Variants in ST6GAL1 observed in about 807,000 individuals in gnomAD.
ST6GAL1 encodes the protein ST6 beta-galactoside alpha-2,6-sialyltransferase 1.
A neutral mutation model predicts 38.0 loss-of-function variants in ST6GAL1; 20 were observed. The ratio of observed to expected loss-of-function variants is 0.53; its 90% CI spans 0.37 to 0.77. The LOEUF is 0.77. ST6GAL1 is among the 30% of genes least tolerant of loss of function. ST6GAL1 has a pLI of 0.00. For missense variants in ST6GAL1, 432 were observed against 496.4 expected, an observed-to-expected ratio of 0.87 and a Z score of 1.23; for synonymous variants, 196 against 188.2, an observed-to-expected ratio of 1.04 and a Z score of -0.34.
intron 2 of ST6GAL1, among the ~76,000 whole-genome samples, chr3:186,984,655 T>C (rs1334022395): frequency 1.3e-5 from 2 of 152,062 alleles, no homozygotes; most frequent in East Asian, 3.9e-4. Context: ...CTCCTCTGAC[T>C]GCCCTTTGGA....
At chr3:187,070,763 G>A (rs139709894) in intron 5 of ST6GAL1, among the ~76,000 whole-genome samples, 1 of 152,182 alleles carries the variant, frequency 6.6e-6, no homozygotes, top group Non-Finnish European at 1.5e-5. Context: ...TACTACCTCT[G>A]TTGTTGCACC....
At chr3:187,010,752 A>G (rs7632268) in intron 2 of ST6GAL1, among the ~76,000 whole-genome samples, 3,648 of 152,300 alleles carry the variant, frequency 0.024, 148 homozygotes, top group African/African-American at 0.084. Context: ...AATATCTGCA[A>G]TTCCCAGGAA....
chr3:187,057,558 G>A (rs1193345968), intron 5 of ST6GAL1, among the ~76,000 whole-genome samples: 4 of 152,154 alleles, frequency 2.6e-5, no homozygotes, highest in Admixed American at 2.6e-4. Flanking sequence ...CTCAGCTGCA[G>A]GTCTGTTGGA....
intron 5 of ST6GAL1, among the ~76,000 whole-genome samples, chr3:187,059,058 T>C (rs965194194): frequency 6.6e-6 from 1 of 151,932 alleles, no homozygotes; most frequent in Non-Finnish European, 1.5e-5. Flanking sequence ...CTTGGGGAAA[T>C]AGCAATAGCC....
intron 1 of ST6GAL1, among the ~76,000 whole-genome samples, chr3:186,945,610 T>C (rs1026365590): frequency 3.3e-5 from 5 of 151,970 alleles, no homozygotes. Context: ...AGGAACAGAA[T>C]GTGAGGAAGT....
In ST6GAL1 at chr3:187,076,644, CAG is replaced by C. The variant is rs1479596807; in HGVS notation, c.*842_*843del. The C allele has an allele frequency of 5.1e-6, 2 of 395,080 alleles. No homozygotes were observed. Among genetic ancestry groups the C allele is most frequent in the South Asian group, 1.4e-4 (1 of 6,980 alleles). The allele number at this position is 395,080 out of a possible 1,614,324, so 24.5% of individuals were successfully genotyped here. ...GTGGATCAGAGAAGGCTTTATAGCA[CAG>C]GGGGCATTCAGATGAGTCTTAGAGG... On this transcript the variant is annotated 3_prime_UTR_variant, in exon 8 of 8. Coordinates refer to ENST00000169298, the MANE Select transcript of ST6GAL1 (RefSeq NM_173216.2).
intron 5 of ST6GAL1, among the ~76,000 whole-genome samples, chr3:187,067,623 T>C (rs16861566): frequency 0.017 from 2,624 of 152,220 alleles, 73 homozygotes; most frequent in African/African-American, 0.06. Flanking sequence ...GTCTCATTCA[T>C]CTCAAGTAGC....
intron 2 of ST6GAL1, among the ~76,000 whole-genome samples, chr3:186,977,571 A>C (rs374955053): frequency 2.6e-5 from 4 of 152,292 alleles, no homozygotes; most frequent in African/African-American, 9.6e-5. Context: ...GGTGGGAAAT[A>C]TGATCCTACA....
chr3:186,944,104 C>G (rs1246133178), intron 1 of ST6GAL1, among the ~76,000 whole-genome samples: 2 of 152,190 alleles, frequency 1.3e-5, no homozygotes, highest in Non-Finnish European at 2.9e-5. Flanking sequence ...TCCTTTTTAT[C>G]CAGCCAATCA....
intron 4 of ST6GAL1, among the ~76,000 whole-genome samples, chr3:187,046,955 GT>G (rs1247311104): frequency 2.6e-5 from 4 of 152,116 alleles, no homozygotes; most frequent in Non-Finnish European, 5.9e-5. Context: ...ATAGTGTTTT[GT>G]TTTGTTTTTG....
chr3:187,069,792 T>C (rs1326469168), intron 5 of ST6GAL1, among the ~76,000 whole-genome samples: 1 of 152,160 alleles, frequency 6.6e-6, no homozygotes, highest in Non-Finnish European at 1.5e-5. Flanking sequence ...ACTGAACTAC[T>C]TGCAATTCCC....
At chr3:186,995,705 A>G (rs919546104) in intron 2 of ST6GAL1, among the ~76,000 whole-genome samples, 5 of 145,906 alleles carry the variant, frequency 3.4e-5, no homozygotes, top group African/African-American at 1.0e-4. Flanking sequence ...TTAGCCGGGT[A>G]TGGTGGCTTA....
intron 1 of ST6GAL1, among the ~76,000 whole-genome samples, chr3:186,947,299 C>T (rs1714403416): frequency 6.6e-6 from 1 of 152,230 alleles, no homozygotes; most frequent in Non-Finnish European, 1.5e-5. Context: ...AGCACATACA[C>T]GAAAAGTGCA....
intron 4 of ST6GAL1, among the ~76,000 whole-genome samples, chr3:187,045,172 C>A (rs779571343): frequency 2.6e-5 from 4 of 152,098 alleles, no homozygotes; most frequent in Non-Finnish European, 4.4e-5. Flanking sequence ...TTTTCTTTTA[C>A]AAATAACATT....
At chr3:187,003,371 A>G (rs1351418894) in intron 2 of ST6GAL1, among the ~76,000 whole-genome samples, 2 of 152,194 alleles carry the variant, frequency 1.3e-5, no homozygotes, top group East Asian at 3.8e-4. Context: ...ATTTTATCCA[A>G]AACAACCTCA....
chr3:187,069,133 TTC>T (rs1479247679), intron 5 of ST6GAL1, among the ~76,000 whole-genome samples: 1 of 151,890 alleles, frequency 6.6e-6, no homozygotes, highest in Admixed American at 6.6e-5. Context: ...CTTGAACTTC[TTC>T]TTTTTTTTTT....
Position 187,076,001 on chromosome 3 carries a change from G to A in ST6GAL1, c.*198G>A. On this transcript the variant is annotated 3_prime_UTR_variant, in exon 8 of 8. Coordinates refer to ENST00000169298, the MANE Select transcript of ST6GAL1 (RefSeq NM_173216.2). The stretch of plus-strand genomic sequence containing the variant: ...CCTTCCCTGTAGCCAGACAGTTTAT[G>A]AGCCCAGAGCCTCCTGCCACACACA... The A allele has an allele frequency of 1.4e-6, 1 of 710,500 alleles. No individual in the cohort carries two copies. The highest frequency in any genetic ancestry group is 2.3e-6 in the Non-Finnish European group (1 of 443,672). The allele number at this position is 710,500 out of a possible 1,614,324, so 44.0% of individuals were successfully genotyped here.
intron 4 of ST6GAL1, among the ~76,000 whole-genome samples, chr3:187,046,914 T>C (rs1255092251): frequency 1.3e-5 from 2 of 152,202 alleles, no homozygotes; most frequent in Admixed American, 6.5e-5. Context: ...ATTTACAAAA[T>C]GAGGGATGCA....
chr3:186,948,403 GGGCA>G (rs1213776290), intron 1 of ST6GAL1, among the ~76,000 whole-genome samples: 2 of 152,170 alleles, frequency 1.3e-5, no homozygotes, highest in Non-Finnish European at 2.9e-5. Context: ...CAAACTGGGC[GGGCA>G]GCCAGACCTC....
Sources: allele counts gnomAD v4.1 joint callset (sites outside exome capture counted in the v4.1 genomes callset), GRCh38; gene constraint gnomAD v4.1.1; transcripts MANE v1.5; gene names NCBI Gene and HGNC (gene_info 2026-07-23, HGNC 2026-07-21).